EHMT1: variants seen among roughly 807,000 people sequenced by gnomAD.
EHMT1 encodes the protein histone-lysine N-methyltransferase EHMT1.
In EHMT1, 15 loss-of-function variants were observed where a neutral mutation model predicts 147.2. The ratio of observed to expected loss-of-function variants is 0.10; its 90% CI spans 0.07 to 0.16. EHMT1 has a LOEUF of 0.16. EHMT1 is among the 10% of genes least tolerant of loss of function. EHMT1 has a pLI of 1.00. For synonymous variants in EHMT1, 795 were observed against 709.6 expected, an observed-to-expected ratio of 1.12 and a Z score of -1.91; for missense variants, 1,587 against 1,772.4, an observed-to-expected ratio of 0.90 and a Z score of 1.88.
At chr9:137,717,283 A>T in intron 3 of EHMT1, 101 bp downstream of exon 3, 1 of 1,458,272 alleles carries the variant, frequency 6.9e-7, no homozygotes, top group Non-Finnish European at 9.3e-7. Context: ...AGTAAGTGTC[A>T]GTGGTTATCC....
At chr9:137,830,628 C>T (rs1956126871) in intron 25 of EHMT1, among the ~76,000 whole-genome samples, 1 of 150,126 alleles carries the variant, frequency 6.7e-6, no homozygotes. Flanking sequence ...GGCATCTGCG[C>T]TTCTTTGCAG....
intron 18 of EHMT1, among the ~76,000 whole-genome samples, chr9:137,805,519 C>T (rs1245735392): frequency 3.3e-5 from 5 of 152,250 alleles, no homozygotes; most frequent in Non-Finnish European, 5.9e-5. Context: ...ACTGTCCTTT[C>T]TTGACTGATG....
chr9:137,757,873 T>C lies in EHMT1; in HGVS notation c.1370-7T>C. On this transcript the variant is annotated splice_region_variant and splice_polypyrimidine_tract_variant and intron_variant, in intron 8 of 26. Transcript: ENST00000460843. Reference sequence around the variant, plus strand: ...TGGTGTCTGATGTGTGTGCCTTTCATACCTAGGTTCTGAGTCGTATAAGTC... The same window carrying C: ...TGGTGTCTGATGTGTGTGCCTTTCACACCTAGGTTCTGAGTCGTATAAGTC... 1.2e-6 allele frequency: 2 copies of C among 1,613,808 alleles called. No individual in the cohort carries two copies. The highest frequency in any genetic ancestry group is 1.7e-6 in the Non-Finnish European group (2 of 1,179,960).
intron 22 of EHMT1, chr9:137,815,472 C>T (rs773527790): frequency 1.1e-5 from 3 of 261,040 alleles, no homozygotes; most frequent in Admixed American, 4.9e-5. Flanking sequence ...GGAGCATCTG[C>T]ACCCAGTGCT....
At chr9:137,803,851 A>C (rs1420632442) in intron 18 of EHMT1, among the ~76,000 whole-genome samples, 1 of 152,006 alleles carries the variant, frequency 6.6e-6, no homozygotes, top group Non-Finnish European at 1.5e-5. Context: ...AAAAAAAAAA[A>C]AAACCTGCCA....
At chr9:137,806,202 C>G (rs988933538) in intron 18 of EHMT1, among the ~76,000 whole-genome samples, 2 of 151,982 alleles carry the variant, frequency 1.3e-5, no homozygotes, top group Non-Finnish European at 2.9e-5. Flanking sequence ...CTCAGGTGAT[C>G]TGCCCGCTTT....
At position 137,754,259 on chromosome 9, in the gene EHMT1, G is replaced by A. The variant is rs745964626; in HGVS notation, c.1337G>A (p.Arg446Gln). ...PWIKPARKRR[R>Q]RSRKKPSGAL... ...ATCAAGCCAGCCAGGAAAAGGAGGCGGAGAAGTAGAAAGAAGCCCAGCGGT... is the reference window on the plus strand; with the variant it reads ...ATCAAGCCAGCCAGGAAAAGGAGGCAGAGAAGTAGAAAGAAGCCCAGCGGT... The change falls in exon 8 of 27, where the codon CGG becomes CAG. Residue 446 changes from arginine to glutamine, a missense_variant. Transcript: ENST00000460843. The A allele has an allele frequency of 1.5e-5, 24 of 1,614,032 alleles. No individual in the cohort carries two copies. The highest frequency in any genetic ancestry group is 8.0e-5 in the African/African-American group (6 of 74,910).
chr9:137,706,523 G>A (rs1459160747), intron 1 of EHMT1, among the ~76,000 whole-genome samples: 1 of 152,218 alleles, frequency 6.6e-6, no homozygotes, highest in African/African-American at 2.4e-5. Context: ...GTCTCGCTCT[G>A]TTGCCCAGGC....
chr9:137,650,137 C>G (rs1271822571), intron 1 of EHMT1, among the ~76,000 whole-genome samples: 1 of 152,050 alleles, frequency 6.6e-6, no homozygotes, highest in Non-Finnish European at 1.5e-5. Context: ...CTCACCCTGT[C>G]ACCCAGGCTG....
In EHMT1 at chr9:137,775,376, C is replaced by A; in HGVS notation, c.1791+124C>A. On this transcript the variant is annotated intron_variant, in intron 11 of 26. Coordinates refer to ENST00000460843, the MANE Select transcript of EHMT1 (RefSeq NM_024757.5). The surrounding 1 kb of genome is among the most constrained non-coding windows in gnomAD (Gnocchi z 6.1). The stretch of plus-strand genomic sequence containing the variant: ...CCAGCAGCTGGCCCAGGTCTGGTGT[C>A]CGTCTGGAGGTCTCCAGTGTTCACA... 7.1e-7 allele frequency: 1 copy of A among 1,413,510 alleles called. No homozygotes were observed. The highest frequency in any genetic ancestry group is 9.6e-7 in the Non-Finnish European group (1 of 1,040,818). The allele number at this position is 1,413,510 out of a possible 1,614,324, so 87.6% of individuals were successfully genotyped here.
At chr9:137,693,352 A>G (rs1943101682) in intron 1 of EHMT1, among the ~76,000 whole-genome samples, 1 of 152,156 alleles carries the variant, frequency 6.6e-6, no homozygotes, top group Non-Finnish European at 1.5e-5. Context: ...GAACTTAGGC[A>G]TCACCCACAG....
intron 16 of EHMT1, among the ~76,000 whole-genome samples, chr9:137,792,844 A>T (rs146707506): frequency 6.6e-6 from 1 of 152,260 alleles, no homozygotes; most frequent in Non-Finnish European, 1.5e-5. Flanking sequence ...CAAAAGCATG[A>T]TCAAAGAAAT....
At chr9:137,830,870 C>CAA (rs1956142109) in intron 25 of EHMT1, among the ~76,000 whole-genome samples, 1 of 152,182 alleles carries the variant, frequency 6.6e-6, no homozygotes, top group Non-Finnish European at 1.5e-5. Flanking sequence ...TCTCTGTATT[C>CAA]TGTTTCCTGC....
At chr9:137,794,541 G>A (rs183315412) in intron 16 of EHMT1, among the ~76,000 whole-genome samples, 2 of 152,072 alleles carry the variant, frequency 1.3e-5, no homozygotes, top group South Asian at 2.1e-4. Context: ...TAGCCCCTTG[G>A]GAGGCTGAGG....
chr9:137,775,090 C>T lies in EHMT1; in HGVS notation c.1648-19C>T. On this transcript the variant is annotated intron_variant, in intron 10 of 26. Coordinates refer to ENST00000460843, the MANE Select transcript of EHMT1 (RefSeq NM_024757.5). This position sits in a 1 kb window ranked among gnomAD's most constrained non-coding sequence, Gnocchi z 6.1. Reference sequence around the variant, plus strand: ...CTCTCGTGACTCTGACATTGACCACCAGTCTTGTCTGATTGCAGTTGGGCC... The same window carrying T: ...CTCTCGTGACTCTGACATTGACCACTAGTCTTGTCTGATTGCAGTTGGGCC... 3 of 1,614,026 alleles carry T rather than the reference C, an allele frequency of 1.9e-6. No homozygotes were observed. The highest frequency in any genetic ancestry group is 2.7e-5 in the African/African-American group (2 of 75,044).
chr9:137,687,043 T>G (rs562530281), intron 1 of EHMT1, among the ~76,000 whole-genome samples: 1 of 152,288 alleles, frequency 6.6e-6, no homozygotes, highest in African/African-American at 2.4e-5. Context: ...TTCATTCTTT[T>G]GCATGTGGTA....
chr9:137,624,192 G>A (rs925970678), intron 1 of EHMT1, among the ~76,000 whole-genome samples: 3 of 151,742 alleles, frequency 2.0e-5, no homozygotes, highest in Non-Finnish European at 4.4e-5. Flanking sequence ...TAGTAGAGAC[G>A]GGGTTTCACC....
At chr9:137,829,565 T>A (rs1956054221) in intron 25 of EHMT1, among the ~76,000 whole-genome samples, 1 of 152,260 alleles carries the variant, frequency 6.6e-6, no homozygotes, top group African/African-American at 2.4e-5. Context: ...ATCTACAGAC[T>A]CCTAGTTTCC....
intron 1 of EHMT1, 92 bp from the exon 2 acceptor site, chr9:137,710,875 A>G: frequency 7.0e-7 from 1 of 1,420,830 alleles, no homozygotes; most frequent in Non-Finnish European, 9.6e-7. Flanking sequence ...GAATGTTGTA[A>G]CTACGATTTT....
Sources: gnomAD v4.1 joint callset for allele counts (sites outside exome capture counted in the v4.1 genomes callset) on GRCh38, gnomAD v4.1.1 for gene constraint, Gnocchi (gnomAD v3.1) non-coding constraint, MANE v1.5 for transcripts, NCBI Gene and HGNC (gene_info 2026-07-23, HGNC 2026-07-21) for gene names.